CACNG3: variants seen among roughly 807,000 people sequenced by gnomAD.
CACNG3 encodes the protein voltage-dependent calcium channel gamma-3 subunit.
Under a neutral mutation model 28.5 loss-of-function variants are expected in CACNG3, and 3 were observed. That is an observed-to-expected ratio of 0.11 (90% CI 0.05 to 0.27). CACNG3 has a LOEUF of 0.27. CACNG3 is among the 10% of genes least tolerant of loss of function. The pLI, the probability that CACNG3 is intolerant of heterozygous loss-of-function variation, is 1.00. For missense variants in CACNG3, 236 were observed against 414.4 expected (o/e 0.57, Z 3.74); for synonymous variants, 174 against 162.2 (o/e 1.07, Z -0.55).
At chr16:24,323,374 A>T in intron 1 of CACNG3, among the ~76,000 whole-genome samples, 1 of 152,180 alleles carries the variant, frequency 6.6e-6, no homozygotes, top group East Asian at 1.9e-4. Flanking sequence ...TAGTGAATCT[A>T]ATCCTTCCCC....
intron 1 of CACNG3, among the ~76,000 whole-genome samples, chr16:24,339,868 G>C (rs1899760434): frequency 6.6e-6 from 1 of 152,154 alleles, no homozygotes; most frequent in Non-Finnish European, 1.5e-5. Flanking sequence ...GATTTCAGTA[G>C]GAAAATTTCA....
chr16:24,278,418 C>A (rs1290079319), intron 1 of CACNG3, among the ~76,000 whole-genome samples: 3 of 152,100 alleles, frequency 2.0e-5, no homozygotes, highest in South Asian at 2.1e-4. Flanking sequence ...GAGATTGAGA[C>A]CATCCTGGCC....
At chr16:24,278,073 G>A (rs1221476713) in intron 1 of CACNG3, among the ~76,000 whole-genome samples, 2 of 152,140 alleles carry the variant, frequency 1.3e-5, no homozygotes, top group African/African-American at 4.8e-5. Context: ...TGAGACGTAA[G>A]AAGGGAGCAG....
intron 3 of CACNG3, among the ~76,000 whole-genome samples, chr16:24,357,139 C>T (rs1450526944): frequency 6.7e-6 from 1 of 150,178 alleles, no homozygotes; most frequent in Admixed American, 6.7e-5. Context: ...GAGGCTGAGG[C>T]AGGAGAATCG....
intron 1 of CACNG3, among the ~76,000 whole-genome samples, chr16:24,306,739 G>C (rs139613899): frequency 6.6e-6 from 1 of 152,194 alleles, no homozygotes; most frequent in African/African-American, 2.4e-5. Context: ...GCACTGCCAT[G>C]CTAGAGATTC....
Position 24,256,608 on chromosome 16 carries a change from T to C in CACNG3, c.-147T>C, listed in dbSNP as rs990953303. On this transcript the variant is annotated 5_prime_UTR_variant, in exon 1 of 4. Transcript: ENST00000005284. The surrounding 1 kb of genome is among the most constrained non-coding windows in gnomAD (Gnocchi z 4.6). ...GAGCTCCAGAAAGGAAATCCCAGCT[T>C]TCCCAAAGTCCCTGTGGATGCTGAC... 1.5e-6 allele frequency: 1 copy of C among 648,860 alleles called. No individual in the cohort carries two copies. Among genetic ancestry groups the C allele is most frequent in the Non-Finnish European group, 2.8e-6 (1 of 359,236 alleles). 40.2% of individuals were successfully genotyped at this position (648,860 alleles called of 1,614,324 possible).
At chr16:24,333,686 T>G (rs1169508474) in intron 1 of CACNG3, 7 of 152,038 alleles carry the variant, frequency 4.6e-5, no homozygotes, top group African/African-American at 1.5e-4. Flanking sequence ...AAAAAATAAT[T>G]TAAAAATTAG....
intron 3 of CACNG3, among the ~76,000 whole-genome samples, chr16:24,356,488 G>A (rs1430145769): frequency 1.3e-5 from 2 of 151,958 alleles, no homozygotes; most frequent in African/African-American, 4.8e-5. Context: ...AATCACTTGA[G>A]CACAGGTCTT....
At chr16:24,275,013 G>T (rs181058522) in intron 1 of CACNG3, among the ~76,000 whole-genome samples, 1 of 152,196 alleles carries the variant, frequency 6.6e-6, no homozygotes, top group East Asian at 1.9e-4. Context: ...ATAAGAGGGG[G>T]ACTTCCTAAG....
intron 1 of CACNG3, among the ~76,000 whole-genome samples, chr16:24,292,345 G>T (rs1309842503): frequency 6.6e-6 from 1 of 152,190 alleles, no homozygotes; most frequent in East Asian, 1.9e-4. Context: ...CCTCTTTAGG[G>T]ACCTGGAGAG....
chr16:24,313,174 T>A (rs1306397533), intron 1 of CACNG3, among the ~76,000 whole-genome samples: 1 of 152,178 alleles, frequency 6.6e-6, no homozygotes, highest in Non-Finnish European at 1.5e-5. Flanking sequence ...TTAGTCTTTT[T>A]AAAAAATAAC....
intron 1 of CACNG3, among the ~76,000 whole-genome samples, chr16:24,325,096 C>A (rs1899523389): frequency 6.6e-6 from 1 of 152,180 alleles, no homozygotes; most frequent in South Asian, 2.1e-4. Flanking sequence ...AGATGCCAGG[C>A]ACAGGGCAGA....
chr16:24,286,975 A>G (rs1265219930), intron 1 of CACNG3, among the ~76,000 whole-genome samples: 1 of 152,234 alleles, frequency 6.6e-6, no homozygotes, highest in Non-Finnish European at 1.5e-5. Context: ...GCTGACCTCC[A>G]GGAAGTACCT....
At chr16:24,327,216 A>AAGGAG (rs1899562303) in intron 1 of CACNG3, among the ~76,000 whole-genome samples, 2 of 150,310 alleles carry the variant, frequency 1.3e-5, no homozygotes, top group Admixed American at 6.6e-5. Context: ...TCTGGAATAA[A>AAGGAG]AGGAGAGTCT....
chr16:24,349,602 C>T (rs190318228), intron 2 of CACNG3, among the ~76,000 whole-genome samples: 230 of 152,278 alleles, frequency 1.5e-3, no homozygotes, highest in African/African-American at 4.7e-3. Flanking sequence ...TAAAGTGTCA[C>T]GGCGCTGGCG....
At chr16:24,341,782 A>G (rs1236624274) in intron 1 of CACNG3, among the ~76,000 whole-genome samples, 1 of 152,186 alleles carries the variant, frequency 6.6e-6, no homozygotes, top group Non-Finnish European at 1.5e-5. Context: ...CTACAGGGCC[A>G]GGCAAGAATA....
At chr16:24,288,040 C>T (rs1157270599) in intron 1 of CACNG3, among the ~76,000 whole-genome samples, 1 of 152,202 alleles carries the variant, frequency 6.6e-6, no homozygotes, top group African/African-American at 2.4e-5. Flanking sequence ...TGAGGGCCTA[C>T]TTCTGTGTTA....
chr16:24,340,112 A>AAT (rs1361300644), intron 1 of CACNG3, among the ~76,000 whole-genome samples: 2 of 152,192 alleles, frequency 1.3e-5, no homozygotes, highest in Non-Finnish European at 2.9e-5. Context: ...CTCTACAAAA[A>AAT]ATATAAAAAT....
chr16:24,354,815 C>A lies in CACNG3; in HGVS notation c.296-18C>A, dbSNP rs1455386644. ...GCTGGCTGGGCACAGGCAGAAGCCT[C>A]TCTCCTTCTCTCCGCAGGAGCTGTG... On this transcript the variant is annotated intron_variant, in intron 2 of 3. Transcript: ENST00000005284. The A allele has an allele frequency of 3.1e-6, 5 of 1,610,292 alleles. No homozygotes were observed. Among genetic ancestry groups the A allele is most frequent in the Non-Finnish European group, 3.4e-6 (4 of 1,178,554 alleles).
Sources: allele counts gnomAD v4.1 joint callset (sites outside exome capture counted in the v4.1 genomes callset), GRCh38; gene constraint gnomAD v4.1.1; non-coding constraint Gnocchi (gnomAD v3.1); transcripts MANE v1.5; gene names NCBI Gene and HGNC (gene_info 2026-07-23, HGNC 2026-07-21).